Variants in AGK observed in about 807,000 individuals in gnomAD.
AGK encodes acylglycerol kinase.
A neutral mutation model predicts 66.4 loss-of-function variants in AGK; 52 were observed. The observed-to-expected ratio is 0.78, with a 90% CI of 0.63 to 0.99. The LOEUF (loss-of-function observed/expected upper bound fraction) is 0.99. Ranked by LOEUF, AGK falls within the 50% of genes least tolerant of loss-of-function variation. The pLI, the probability that AGK is intolerant of heterozygous loss-of-function variation, is 0.00. For missense variants in AGK, 451 were observed against 506.6 expected, an observed-to-expected ratio of 0.89 and a Z score of 1.05; for synonymous variants, 182 against 181.1, an observed-to-expected ratio of 1.00 and a Z score of -0.04.
chr7:141,621,122 T>C (rs1796814108), intron 8 of AGK, among the ~76,000 whole-genome samples: 1 of 152,234 alleles, frequency 6.6e-6, no homozygotes, highest in Non-Finnish European at 1.5e-5. Flanking sequence ...CTTCACATGC[T>C]ACATGGATGT....
intron 4 of AGK, among the ~76,000 whole-genome samples, chr7:141,597,945 A>C (rs528204876): frequency 2.8e-4 from 42 of 150,638 alleles, no homozygotes; most frequent in Non-Finnish European, 5.6e-4. Flanking sequence ...ATTAGTAAAT[A>C]TGTATTAAAT....
intron 2 of AGK, among the ~76,000 whole-genome samples, chr7:141,581,435 C>G (rs564605515): frequency 6.6e-6 from 1 of 151,846 alleles, no homozygotes; most frequent in Non-Finnish European, 1.5e-5. Context: ...CTGAACTAAC[C>G]TATAATGCTT....
intron 2 of AGK, among the ~76,000 whole-genome samples, chr7:141,559,306 G>T (rs751979211): frequency 6.6e-5 from 10 of 152,076 alleles, no homozygotes; most frequent in Non-Finnish European, 1.5e-4. Flanking sequence ...GTATAAGATA[G>T]GGGTTCAGCT....
In AGK at chr7:141,615,452, C is replaced by G. The variant is rs751205822; in HGVS notation, c.424-19C>G. The G allele has an allele frequency of 1.2e-6, 2 of 1,604,410 alleles. No homozygotes were observed. The highest frequency in any genetic ancestry group is 2.2e-5 in the East Asian group (1 of 44,812). The stretch of plus-strand genomic sequence containing the variant: ...TTCTGATCATAACAATAAAACTTTC[C>G]TCTTCTTTCCCCCCCCAGGCTACCT... On this transcript the variant is annotated intron_variant, in intron 7 of 15. Coordinates refer to ENST00000649286, the MANE Select transcript of AGK (RefSeq NM_018238.4).
At chr7:141,613,840 G>T (rs1344636638) in intron 6 of AGK, among the ~76,000 whole-genome samples, 1 of 152,092 alleles carries the variant, frequency 6.6e-6, no homozygotes, top group African/African-American at 2.4e-5. Context: ...TATAATTGAT[G>T]TGTACATCAT....
chr7:141,622,595 C>A (rs1024611285), intron 9 of AGK, among the ~76,000 whole-genome samples: 1 of 152,176 alleles, frequency 6.6e-6, no homozygotes, highest in African/African-American at 2.4e-5. Context: ...CATATAATGG[C>A]AAACTTAATT....
intron 2 of AGK, among the ~76,000 whole-genome samples, chr7:141,560,742 G>A (rs974252452): frequency 2.0e-5 from 3 of 150,454 alleles, no homozygotes; most frequent in East Asian, 1.9e-4. Context: ...GAGTTACTTC[G>A]CTTAGAGTAA....
intron 2 of AGK, among the ~76,000 whole-genome samples, chr7:141,591,152 G>T (rs1269677978): frequency 7.1e-6 from 1 of 140,256 alleles, no homozygotes; most frequent in African/African-American, 2.6e-5. Flanking sequence ...GAGCGCAATG[G>T]CGTGATCTTG....
intron 5 of AGK, among the ~76,000 whole-genome samples, chr7:141,609,124 T>G (rs1187210728): frequency 6.6e-6 from 1 of 152,254 alleles, no homozygotes; most frequent in Non-Finnish European, 1.5e-5. Flanking sequence ...CTTTTTCCTC[T>G]GTGTTCACTG....
chr7:141,586,190 C>A (rs1275711309), intron 2 of AGK, among the ~76,000 whole-genome samples: 1 of 152,112 alleles, frequency 6.6e-6, no homozygotes, highest in Non-Finnish European at 1.5e-5. Context: ...GTACTTCTTC[C>A]ATTACACTCT....
intron 5 of AGK, among the ~76,000 whole-genome samples, chr7:141,604,199 G>A (rs893954180): frequency 6.6e-6 from 1 of 150,928 alleles, no homozygotes; most frequent in Admixed American, 6.6e-5. Context: ...TCTTTCTTTT[G>A]GATTAGCTTT....
In AGK at chr7:141,655,141, T is replaced by A. The variant is rs1227602576; in HGVS notation, c.*2217T>A. 6.6e-6 allele frequency: 1 copy of A among 152,254 alleles called. No homozygotes were observed. Among genetic ancestry groups the A allele is most frequent in the East Asian group, 1.9e-4 (1 of 5,196 alleles). The allele number at this position is 152,254 out of a possible 1,614,324, so 9.4% of individuals were successfully genotyped here. A position where few individuals can be genotyped will look rare whatever the true frequency, so the allele number is the denominator to read the frequency against. On this transcript the variant is annotated 3_prime_UTR_variant, in exon 16 of 16. Coordinates refer to ENST00000649286, the MANE Select transcript of AGK (RefSeq NM_018238.4). ...GCTACCAGTGTGTGTTTATGTGTGC[T>A]CATTTTGTGGTTCTAATCATAATGG...
At chr7:141,593,633 A>G (rs957284879) in intron 3 of AGK, 1 of 519,536 alleles carries the variant, frequency 1.9e-6, no homozygotes, top group African/African-American at 1.9e-5. Flanking sequence ...ACTGATCCAT[A>G]TCATGTACAC....
intron 5 of AGK, among the ~76,000 whole-genome samples, chr7:141,604,362 G>A (rs959372488): frequency 1.0e-5 from 1 of 97,720 alleles, no homozygotes; most frequent in African/African-American, 4.8e-5. Context: ...ATGTATGAAT[G>A]TGTGTGTGTG....
intron 11 of AGK, among the ~76,000 whole-genome samples, chr7:141,640,347 G>T (rs1223407195): frequency 6.6e-6 from 1 of 152,142 alleles, no homozygotes; most frequent in Non-Finnish European, 1.5e-5. Flanking sequence ...GCTGCTGTCA[G>T]AGAGAAAGGA....
intron 5 of AGK, among the ~76,000 whole-genome samples, chr7:141,604,219 A>G (rs2116940268): frequency 6.6e-6 from 1 of 151,800 alleles, no homozygotes; most frequent in East Asian, 1.9e-4. Flanking sequence ...TTATTTTGAA[A>G]TAATCTCAAA....
intron 12 of AGK, 130 bp downstream of exon 12, chr7:141,641,528 C>G (rs754840053): frequency 1.9e-5 from 21 of 1,089,382 alleles, no homozygotes; most frequent in Middle Eastern, 3.1e-4. Flanking sequence ...CTGAATTCAT[C>G]CTTCTGTGTG....
chr7:141,581,881 G>A (rs888499200), intron 2 of AGK, among the ~76,000 whole-genome samples: 4 of 151,956 alleles, frequency 2.6e-5, no homozygotes, highest in African/African-American at 9.7e-5. Context: ...GAGTTGGGGA[G>A]TTTTAAGGGG....
chr7:141,639,343 G>A (rs1797237762), intron 11 of AGK, among the ~76,000 whole-genome samples: 1 of 152,152 alleles, frequency 6.6e-6, no homozygotes, highest in African/African-American at 2.4e-5. Context: ...AGAGAAACAT[G>A]GGGTCAATAT....
Sources: gnomAD v4.1 joint callset for allele counts (sites outside exome capture counted in the v4.1 genomes callset) on GRCh38, gnomAD v4.1.1 for gene constraint, MANE v1.5 for transcripts, NCBI Gene and HGNC (gene_info 2026-07-23, HGNC 2026-07-21) for gene names.